SGMS2: variants seen among roughly 807,000 people sequenced by gnomAD.
SGMS2 encodes phosphatidylcholine:ceramide cholinephosphotransferase 2.
Under a neutral mutation model 43.8 loss-of-function variants are expected in SGMS2, and 21 were observed. The ratio of observed to expected loss-of-function variants is 0.48; its 90% CI spans 0.34 to 0.69. The LOEUF is 0.69. SGMS2 is among the 30% of genes least tolerant of loss of function. The probability of loss-of-function intolerance (pLI) is 0.01; values close to 1 mark genes in which losing one functional copy is unlikely to be tolerated. For synonymous variants in SGMS2, 167 were observed against 160.6 expected (o/e 1.04, Z -0.30); for missense variants, 384 against 443.2 (o/e 0.87, Z 1.20).
In SGMS2 at chr4:107,912,352, G is replaced by C. The variant is rs1359475768; in HGVS notation, c.*1799G>C. On this transcript the variant is annotated 3_prime_UTR_variant, in exon 7 of 7. Coordinates refer to ENST00000690982, the MANE Select transcript of SGMS2 (RefSeq NM_001375905.1). ...GCTTTGAAGCACACAGAATTTTCTAGTATTTCTTATTAAATACACCAATAA... is the reference window on the plus strand; with the variant it reads ...GCTTTGAAGCACACAGAATTTTCTACTATTTCTTATTAAATACACCAATAA... The C allele has an allele frequency of 6.6e-6, 1 of 152,116 alleles. No individual in the cohort carries two copies. Among genetic ancestry groups the C allele is most frequent in the Non-Finnish European group, 1.5e-5 (1 of 68,006 alleles). The allele number at this position is 152,116 out of a possible 1,614,324, so 9.4% of individuals were successfully genotyped here. A position where few individuals can be genotyped will look rare whatever the true frequency, so the allele number is the denominator to read the frequency against.
chr4:107,879,928 A>G (rs1729215603), intron 2 of SGMS2, among the ~76,000 whole-genome samples: 1 of 152,216 alleles, frequency 6.6e-6, no homozygotes, highest in Non-Finnish European at 1.5e-5. Context: ...GCCCACTTGC[A>G]GTCACTGCCA....
chr4:107,839,923 G>A (rs1385981817), intron 1 of SGMS2, among the ~76,000 whole-genome samples: 2 of 152,134 alleles, frequency 1.3e-5, no homozygotes, highest in Non-Finnish European at 2.9e-5. Flanking sequence ...AGGTGATTGT[G>A]TGTCCTGGTT....
chr4:107,853,397 T>C (rs1403378543), intron 1 of SGMS2, among the ~76,000 whole-genome samples: 1 of 152,226 alleles, frequency 6.6e-6, no homozygotes, highest in African/African-American at 2.4e-5. Context: ...ATAATAAACT[T>C]TCACTCTGAA....
chr4:107,897,546 G>C (rs150277263), intron 3 of SGMS2, among the ~76,000 whole-genome samples: 238 of 152,228 alleles, frequency 1.6e-3, no homozygotes, highest in African/African-American at 5.5e-3. Flanking sequence ...TAAGTATGTG[G>C]ACTCCACCCT....
intron 2 of SGMS2, among the ~76,000 whole-genome samples, chr4:107,861,608 G>A (rs960870683): frequency 3.9e-5 from 6 of 152,132 alleles, no homozygotes; most frequent in African/African-American, 1.4e-4. Flanking sequence ...TCTTAAATCT[G>A]TTATGGACTT....
At chr4:107,862,744 C>T (rs897939843) in intron 2 of SGMS2, among the ~76,000 whole-genome samples, 6 of 152,138 alleles carry the variant, frequency 3.9e-5, no homozygotes, top group Non-Finnish European at 7.3e-5. Context: ...GGGAGGACGT[C>T]GTGCTGAATA....
intron 2 of SGMS2, among the ~76,000 whole-genome samples, chr4:107,862,181 G>C (rs756137657): frequency 1.3e-5 from 2 of 152,200 alleles, no homozygotes; most frequent in African/African-American, 2.4e-5. Flanking sequence ...TAGAGGAAAA[G>C]CCGTAACTGT....
intron 4 of SGMS2, among the ~76,000 whole-genome samples, chr4:107,902,615 G>T (rs1011882784): frequency 3.3e-5 from 5 of 152,138 alleles, no homozygotes; most frequent in Admixed American, 3.3e-4. Context: ...TCCTGCCGTA[G>T]CACACAGGCT....
At chr4:107,851,054 G>C (rs1383242369) in intron 1 of SGMS2, among the ~76,000 whole-genome samples, 1 of 152,010 alleles carries the variant, frequency 6.6e-6, no homozygotes, top group Non-Finnish European at 1.5e-5. Flanking sequence ...TGTTCTCTCT[G>C]CATGTCATCC....
intron 2 of SGMS2, among the ~76,000 whole-genome samples, chr4:107,879,108 A>ATTTT (rs373759605): frequency 2.8e-5 from 4 of 142,290 alleles, no homozygotes; most frequent in Non-Finnish European, 3.1e-5. Flanking sequence ...CTACCTGGCC[A>ATTTT]TTTTTTTTTT....
At chr4:107,848,815 G>A (rs1258236122) in intron 1 of SGMS2, among the ~76,000 whole-genome samples, 1 of 152,094 alleles carries the variant, frequency 6.6e-6, no homozygotes, top group Non-Finnish European at 1.5e-5. Context: ...TTTATCAGAT[G>A]TGTGTTTTGC....
chr4:107,834,635 A>G (rs964669331), intron 1 of SGMS2, among the ~76,000 whole-genome samples: 25 of 152,226 alleles, frequency 1.6e-4, no homozygotes, highest in Non-Finnish European at 3.5e-4. Flanking sequence ...CAACAGCTGT[A>G]AACAAAAGGT....
chr4:107,892,110 GAAAA>G (rs34834888), intron 2 of SGMS2, among the ~76,000 whole-genome samples: 1 of 136,250 alleles, frequency 7.3e-6, no homozygotes, highest in Non-Finnish European at 1.6e-5. Context: ...CTAGGAGCAG[GAAAA>G]AAAAAAAAAA....
At chr4:107,858,123 T>A (rs1727529715) in intron 1 of SGMS2, among the ~76,000 whole-genome samples, 1 of 152,154 alleles carries the variant, frequency 6.6e-6, no homozygotes, top group Admixed American at 6.5e-5. Flanking sequence ...TGACTGACTT[T>A]TTTGAGTGAC....
intron 5 of SGMS2, 84 bp from the exon 6 acceptor site, chr4:107,908,481 C>G (rs1731801630): frequency 6.0e-6 from 8 of 1,342,056 alleles, no homozygotes; most frequent in Non-Finnish European, 8.2e-6. Context: ...CTGGGTTATT[C>G]TACTTAAGGT....
intron 1 of SGMS2, among the ~76,000 whole-genome samples, chr4:107,826,791 G>A (rs1725619311): frequency 1.3e-5 from 2 of 152,198 alleles, no homozygotes; most frequent in Admixed American, 1.3e-4. Context: ...TTCTCCCCTC[G>A]CAGAATCTCA....
intron 4 of SGMS2, among the ~76,000 whole-genome samples, chr4:107,902,141 A>T (rs571093618): frequency 9.4e-5 from 14 of 149,000 alleles, no homozygotes; most frequent in African/African-American, 3.2e-4. Flanking sequence ...TTGATCTTGA[A>T]CTCCTGACCT....
chr4:107,870,001 A>T (rs991110959), intron 2 of SGMS2, among the ~76,000 whole-genome samples: 1 of 152,164 alleles, frequency 6.6e-6, no homozygotes, highest in Non-Finnish European at 1.5e-5. Context: ...TGGAGCTGTC[A>T]GTTTTTCCTT....
rs534990703 is a variant in SGMS2 at position 107,831,357 on chromosome 4, G to A, written c.-327+6104G>A. Among the ~76,000 whole-genome samples the A allele has an allele frequency of 7.2e-5, 11 of 152,222 alleles. No homozygotes were observed. In the East Asian group the frequency reaches 1.7e-3, roughly 24 times the overall value. On this transcript the variant is annotated intron_variant, in intron 1 of 6. Transcript: ENST00000690982. Reference sequence around the variant, plus strand: ...AGGTGAACCCTGACAGGCTTAGGCCGGCTTGGACCTGAGTCACAGCACTGC... The same window carrying A: ...AGGTGAACCCTGACAGGCTTAGGCCAGCTTGGACCTGAGTCACAGCACTGC...
Sources: allele counts gnomAD v4.1 joint callset (sites outside exome capture counted in the v4.1 genomes callset), GRCh38; gene constraint gnomAD v4.1.1; transcripts MANE v1.5; gene names NCBI Gene and HGNC (gene_info 2026-07-23, HGNC 2026-07-21).